PRDX6: variants seen among roughly 807,000 people sequenced by gnomAD.
PRDX6 encodes the protein peroxiredoxin-6.
A neutral mutation model predicts 20.0 loss-of-function variants in PRDX6; 13 were observed. That is an observed-to-expected ratio of 0.65 (90% CI 0.42 to 1.03). The LOEUF is 1.03. Among genes scored for constraint, PRDX6 ranks in the 50% least tolerant of loss-of-function variants. PRDX6 has a pLI of 0.00. For missense variants in PRDX6, 203 were observed against 276.9 expected (o/e 0.73, Z 1.89); for synonymous variants, 85 against 100.8 (o/e 0.84, Z 0.94).
chr1:173,487,213 T>G (rs928970410), intron 4 of PRDX6, among the ~76,000 whole-genome samples: 7 of 152,128 alleles, frequency 4.6e-5, no homozygotes, highest in African/African-American at 1.4e-4. Flanking sequence ...GGAGAGTGAC[T>G]GTCAAGGAAT....
At chr1:173,484,038 G>A (rs1418260867) in intron 2 of PRDX6, among the ~76,000 whole-genome samples, 2 of 149,722 alleles carry the variant, frequency 1.3e-5, no homozygotes, top group Non-Finnish European at 3.0e-5. Flanking sequence ...GGGAGGCGGA[G>A]GTTGCAGTGA....
chr1:173,482,360 C>T (rs1337635832), intron 2 of PRDX6, among the ~76,000 whole-genome samples: 1 of 152,142 alleles, frequency 6.6e-6, no homozygotes, highest in Non-Finnish European at 1.5e-5. Flanking sequence ...CTGCATACTA[C>T]CTATTTAGTT....
Position 173,488,054 on chromosome 1 carries a change from C to A in PRDX6, c.*191C>A. The A allele has an allele frequency of 1.6e-6, 1 of 610,994 alleles. No individual in the cohort carries two copies. The highest frequency in any genetic ancestry group is 2.8e-6 in the Non-Finnish European group (1 of 357,878). The allele number at this position is 610,994 out of a possible 1,614,324, so 37.8% of individuals were successfully genotyped here. ...CTTTATACTCTCTGCCTTCAGCAAT[C>A]AATTCCATTCATACATCAGCACTCT... On this transcript the variant is annotated 3_prime_UTR_variant, in exon 5 of 5. Coordinates refer to ENST00000340385, the MANE Select transcript of PRDX6 (RefSeq NM_004905.3).
At chr1:173,483,035 T>C (rs949235696) in intron 2 of PRDX6, among the ~76,000 whole-genome samples, 4 of 152,216 alleles carry the variant, frequency 2.6e-5, no homozygotes, top group African/African-American at 9.6e-5. Context: ...TAAAGCCAAA[T>C]AATTTAGGAT....
At position 173,486,299 on chromosome 1, in the gene PRDX6, C is replaced by G; in HGVS notation, c.444C>G (p.Leu148=). 4.3e-6 allele frequency: 7 copies of G among 1,612,572 alleles called. No homozygotes were observed. Among genetic ancestry groups the G allele is most frequent in the Non-Finnish European group, 5.9e-6 (7 of 1,179,278 alleles). The part of the protein sequence containing the change: ...GPDKKLKLSI[L]YPATTGRNFD... ...ATAAGAAGCTGAAGCTGTCTATCCT[C>G]TACCCAGCTACCACTGGCAGGAACT... is the stretch of plus-strand genomic sequence containing the variant. The change falls in exon 4 of 5, where the codon CTC becomes CTG. Residue 148 remains leucine, a synonymous_variant. Transcript: ENST00000340385.
chr1:173,480,694 T>C (rs965987155), intron 1 of PRDX6, among the ~76,000 whole-genome samples: 7 of 152,208 alleles, frequency 4.6e-5, no homozygotes, highest in African/African-American at 1.7e-4. Context: ...TATTGTTTTG[T>C]CAGAGTATAA....
Position 173,487,803 on chromosome 1 carries a change from A to G in PRDX6, c.615A>G (p.Gly205=), listed in dbSNP as rs750108691. The change falls in exon 5 of 5, where the codon GGA becomes GGG. Residue 205 remains glycine (G), a synonymous_variant. Transcript: ENST00000340385. ...AAGCCAAAAAACTTTTCCCGAAAGG[A>G]GTCTTCACCAAAGAGCTCCCATCTG... ...EEEAKKLFPK[G]VFTKELPSGK... 6.2e-7 allele frequency: 1 copy of G among 1,613,922 alleles called. No individual in the cohort carries two copies. The highest frequency in any genetic ancestry group is 8.5e-7 in the Non-Finnish European group (1 of 1,180,014).
chr1:173,485,341 C>A lies in PRDX6; in HGVS notation c.253-20C>A. ...TGTGTTGGGTTTAGATTCCTCTTTC[C>A]CCTTTTACTTGTGTTTCAGGATATC... On this transcript the variant is annotated intron_variant, in intron 2 of 4. Coordinates refer to ENST00000340385, the MANE Select transcript of PRDX6 (RefSeq NM_004905.3). 1 of 1,553,660 alleles carries A rather than the reference C, an allele frequency of 6.4e-7. No individual in the cohort carries two copies. Among genetic ancestry groups the A allele is most frequent in the South Asian group, 1.2e-5 (1 of 83,808 alleles).
chr1:173,485,442 A>T lies in PRDX6; in HGVS notation c.334A>T (p.Ile112Phe). Reference sequence around the variant, plus strand: ...CGATGATAGGAATCGGGAGCTTGCCATCCTGTTGGGCATGCTGGATCCAGC... The same window carrying T: ...CGATGATAGGAATCGGGAGCTTGCCTTCCTGTTGGGCATGCTGGATCCAGC... ...IIDDRNRELA[I>F]LLGMLDPAEK... The change falls in exon 3 of 5, where the codon ATC becomes TTC. Residue 112 changes from isoleucine to phenylalanine, a missense_variant. By Grantham distance (21) the Ile-to-Phe change is conservative (BLOSUM62 0). Coordinates refer to ENST00000340385, the MANE Select transcript of PRDX6 (RefSeq NM_004905.3). The T allele has an allele frequency of 1.2e-6, 2 of 1,611,196 alleles. No homozygotes were observed. Among genetic ancestry groups the T allele is most frequent in the Non-Finnish European group, 1.7e-6 (2 of 1,178,640 alleles).
At position 173,486,358 on chromosome 1, in the gene PRDX6, A is replaced by G; in HGVS notation, c.503A>G (p.Gln168Arg). ...DEILRVVISL[Q>R]LTAEKRVATP... ...ATTCTCAGGGTAGTCATCTCTCTCC[A>G]GCTGACAGCAGAAAAAAGGGTTGCC... The change falls in exon 4 of 5, where the codon CAG (glutamine) becomes CGG (arginine). Residue 168 changes from glutamine (Q) to arginine (R), a missense_variant. By Grantham distance (43) the Gln-to-Arg change is conservative (BLOSUM62 1). Transcript: ENST00000340385. 6.2e-7 allele frequency: 1 copy of G among 1,612,210 alleles called. No homozygotes were observed. Among genetic ancestry groups the G allele is most frequent in the Non-Finnish European group, 8.5e-7 (1 of 1,179,224 alleles).
At chr1:173,487,261 G>C (rs1658916625) in intron 4 of PRDX6, among the ~76,000 whole-genome samples, 1 of 152,238 alleles carries the variant, frequency 6.6e-6, no homozygotes, top group Non-Finnish European at 1.5e-5. Flanking sequence ...AAAACACAGA[G>C]AAGATGTGAC....
chr1:173,483,429 A>C (rs1268905342), intron 2 of PRDX6, among the ~76,000 whole-genome samples: 11 of 152,154 alleles, frequency 7.2e-5, no homozygotes, highest in Non-Finnish European at 1.3e-4. Flanking sequence ...GGAATGTTAC[A>C]ATTTGTTATC....
At chr1:173,478,086 G>C (rs1405575264) in intron 1 of PRDX6, among the ~76,000 whole-genome samples, 1 of 152,202 alleles carries the variant, frequency 6.6e-6, no homozygotes, top group African/African-American at 2.4e-5. Flanking sequence ...GTATTTGCAG[G>C]CTTCTGGGCA....
At chr1:173,481,281 T>C in intron 1 of PRDX6, 45 bp from the exon 2 acceptor site, 1 of 1,553,378 alleles carries the variant, frequency 6.4e-7, no homozygotes. Flanking sequence ...GTGATGTTGG[T>C]GATAACTCTT....
chr1:173,481,293 A>G (rs756522053), intron 1 of PRDX6, 33 bp from the exon 2 acceptor site: 2 of 1,595,476 alleles, frequency 1.3e-6, no homozygotes, highest in Non-Finnish European at 1.7e-6. Flanking sequence ...ATAACTCTTA[A>G]TTCAATTGTG....
intron 3 of PRDX6, 70 bp downstream of exon 3, chr1:173,485,577 C>T: frequency 7.3e-7 from 1 of 1,367,438 alleles, no homozygotes. Flanking sequence ...AATGCTGGTA[C>T]CAGCTAGAGG....
At position 173,487,947 on chromosome 1, in the gene PRDX6, T is replaced by C; in HGVS notation, c.*84T>C. ...CTGCAGCAATTCCATAAACACATCC[T>C]GGTGTCATCACAGCCAAGGTTTTTA... On this transcript the variant is annotated 3_prime_UTR_variant, in exon 5 of 5. Coordinates refer to ENST00000340385, the MANE Select transcript of PRDX6 (RefSeq NM_004905.3). 6.4e-7 allele frequency: 1 copy of C among 1,550,446 alleles called. No homozygotes were observed. Among genetic ancestry groups the C allele is most frequent in the Non-Finnish European group, 8.8e-7 (1 of 1,139,228 alleles).
At chr1:173,479,209 T>C (rs914350921) in intron 1 of PRDX6, among the ~76,000 whole-genome samples, 6 of 152,196 alleles carry the variant, frequency 3.9e-5, no homozygotes, top group Admixed American at 6.5e-5. Context: ...CTAGATTTGA[T>C]CAAAAGTGGT....
chr1:173,482,545 A>C (rs569624664), intron 2 of PRDX6, among the ~76,000 whole-genome samples: 36 of 152,380 alleles, frequency 2.4e-4, no homozygotes, highest in African/African-American at 8.4e-4. Flanking sequence ...TGAACAGTAA[A>C]TTTGGTGGTC....
Sources: gnomAD v4.1 joint callset for allele counts (sites outside exome capture counted in the v4.1 genomes callset) on GRCh38, gnomAD v4.1.1 for gene constraint, MANE v1.5 for transcripts, NCBI Gene and HGNC (gene_info 2026-07-23, HGNC 2026-07-21) for gene names.